The following AHCTF1 variants were observed in gnomAD, a reference collection of about 807,000 sequenced individuals.
AHCTF1 encodes AT-hook containing transcription factor 1, also known as protein ELYS.
A neutral mutation model predicts 248.4 loss-of-function variants in AHCTF1; 24 were observed. The ratio of observed to expected loss-of-function variants is 0.10; its 90% confidence interval spans 0.07 to 0.14. The LOEUF (loss-of-function observed/expected upper bound fraction) is 0.14, where lower values mean the gene tolerates loss of function less well. AHCTF1 is among the 10% of genes least tolerant of loss of function. AHCTF1 has a pLI of 1.00. For synonymous variants in AHCTF1, 786 were observed against 929.8 expected, an observed-to-expected ratio of 0.85 and a Z score of 2.81; for missense variants, 2,206 against 2,636.2, an observed-to-expected ratio of 0.84 and a Z score of 3.57.
At chr1:246,929,791 C>T (rs1198095794) in intron 1 of AHCTF1, among the ~76,000 whole-genome samples, 12 of 152,218 alleles carry the variant, frequency 7.9e-5, no homozygotes, top group Non-Finnish European at 1.3e-4. Flanking sequence ...CGGTGGCTCA[C>T]GCCTGTAATC....
intron 5 of AHCTF1, among the ~76,000 whole-genome samples, chr1:246,907,333 C>A (rs2103194058): frequency 6.6e-6 from 1 of 152,160 alleles, no homozygotes; most frequent in East Asian, 1.9e-4. Flanking sequence ...TAAATAAACA[C>A]TGAAAAAAAA....
chr1:246,912,916 C>T (rs1312969526), intron 4 of AHCTF1, among the ~76,000 whole-genome samples: 1 of 151,988 alleles, frequency 6.6e-6, no homozygotes, highest in East Asian at 1.9e-4. Flanking sequence ...GCCCTTATTC[C>T]AGCATTTACT....
At chr1:246,899,848 A>G (rs188434258) in intron 10 of AHCTF1, among the ~76,000 whole-genome samples, 63 of 152,240 alleles carry the variant, frequency 4.1e-4, no homozygotes, top group Non-Finnish European at 7.5e-4. Flanking sequence ...CCTTTATAAA[A>G]CATATAAATA....
chr1:246,922,505 A>T (rs530542038), intron 1 of AHCTF1, among the ~76,000 whole-genome samples: 3 of 151,010 alleles, frequency 2.0e-5, no homozygotes, highest in East Asian at 3.9e-4. Context: ...AGCTCAATGC[A>T]GCCTCAATCT....
chr1:246,923,998 T>C (rs367872349), intron 1 of AHCTF1, among the ~76,000 whole-genome samples: 48 of 151,620 alleles, frequency 3.2e-4, no homozygotes, highest in African/African-American at 1.2e-3. Flanking sequence ...AGGCGTAGAA[T>C]ATAAATCTGG....
intron 34 of AHCTF1, 128 bp from the exon 35 acceptor site, chr1:246,842,904 C>T: frequency 1.4e-6 from 1 of 724,346 alleles, no homozygotes; most frequent in Non-Finnish European, 2.3e-6. Context: ...AAAATTGACT[C>T]CTTTTCTCAT....
intron 1 of AHCTF1, among the ~76,000 whole-genome samples, chr1:246,929,908 C>A (rs1479426827): frequency 6.6e-6 from 1 of 152,060 alleles, no homozygotes; most frequent in Non-Finnish European, 1.5e-5. Context: ...AAAAATTAGC[C>A]GGGTGTGGTG....
chr1:246,918,958 T>A (rs1408551867), intron 1 of AHCTF1, among the ~76,000 whole-genome samples: 2 of 152,202 alleles, frequency 1.3e-5, no homozygotes, highest in African/African-American at 2.4e-5. Context: ...GAAAAATGTA[T>A]AAATTCACAG....
At chr1:246,910,163 G>T (rs920938990) in intron 4 of AHCTF1, among the ~76,000 whole-genome samples, 1 of 152,158 alleles carries the variant, frequency 6.6e-6, no homozygotes, top group Non-Finnish European at 1.5e-5. Context: ...AATCGAAAAT[G>T]ATACCACATG....
chr1:246,875,647 A>G (rs905430579), intron 24 of AHCTF1, among the ~76,000 whole-genome samples: 2 of 152,206 alleles, frequency 1.3e-5, no homozygotes, highest in Non-Finnish European at 2.9e-5. Flanking sequence ...AGTAGTCACC[A>G]TGCTGATCAG....
At chr1:246,845,766 AG>A (rs1450290774) in intron 33 of AHCTF1, among the ~76,000 whole-genome samples, 1 of 152,174 alleles carries the variant, frequency 6.6e-6, no homozygotes, top group Non-Finnish European at 1.5e-5. Flanking sequence ...CAAAAGGCCT[AG>A]GTTCAAACCC....
intron 6 of AHCTF1, 48 bp downstream of exon 6, chr1:246,905,493 T>C: frequency 1.3e-6 from 2 of 1,481,786 alleles, no homozygotes; most frequent in Non-Finnish European, 1.9e-6. Flanking sequence ...CGAGACTCTG[T>C]CTCCAAAAAA....
intron 3 of AHCTF1, among the ~76,000 whole-genome samples, chr1:246,914,693 A>G (rs926108515): frequency 6.6e-6 from 1 of 152,154 alleles, no homozygotes; most frequent in Non-Finnish European, 1.5e-5. Flanking sequence ...CCCTACCCAA[A>G]AAACAGCTAG....
At chr1:246,901,298 G>T (rs766026947) in intron 8 of AHCTF1, among the ~76,000 whole-genome samples, 2 of 152,160 alleles carry the variant, frequency 1.3e-5, no homozygotes, top group East Asian at 3.9e-4. Flanking sequence ...ACGAGATCGT[G>T]CAAGTGCACT....
chr1:246,922,676 G>C (rs895049328), intron 1 of AHCTF1, among the ~76,000 whole-genome samples: 1 of 150,580 alleles, frequency 6.6e-6, no homozygotes, highest in Non-Finnish European at 1.5e-5. Flanking sequence ...TTACAGGTGT[G>C]AGACACCTAT....
chr1:246,868,917 T>C (rs573268651), intron 24 of AHCTF1, among the ~76,000 whole-genome samples: 1 of 149,314 alleles, frequency 6.7e-6, no homozygotes, highest in Non-Finnish European at 1.5e-5. Context: ...TGATCTCGGC[T>C]CACTGCAAGT....
intron 1 of AHCTF1, among the ~76,000 whole-genome samples, chr1:246,927,192 A>G (rs1286588774): frequency 2.0e-5 from 3 of 151,538 alleles, no homozygotes; most frequent in Admixed American, 1.3e-4. Context: ...AAAAAAAAAG[A>G]AAGAAATAGG....
chr1:246,859,061 ACT>A (rs903337168), intron 29 of AHCTF1, among the ~76,000 whole-genome samples: 4 of 152,122 alleles, frequency 2.6e-5, no homozygotes, highest in Non-Finnish European at 4.4e-5. Flanking sequence ...ACAGAGCAAG[ACT>A]CTGTCTCAAA....
intron 2 of AHCTF1, among the ~76,000 whole-genome samples, chr1:246,917,003 T>C (rs779735730): frequency 6.6e-6 from 1 of 152,220 alleles, no homozygotes; most frequent in Non-Finnish European, 1.5e-5. Context: ...CTCCGCCTAT[T>C]AGTCATGTTT....
Sources: allele counts gnomAD v4.1 joint callset (sites outside exome capture counted in the v4.1 genomes callset), GRCh38; gene constraint gnomAD v4.1.1; transcripts MANE v1.5; gene names NCBI Gene and HGNC (gene_info 2026-07-23, HGNC 2026-07-21).